The following NEO1 variants were observed in gnomAD, a reference collection of about 807,000 sequenced individuals.
NEO1 encodes the protein neogenin.
In NEO1, 63 loss-of-function variants were observed where a neutral mutation model predicts 159.7. The ratio of observed to expected loss-of-function variants is 0.39; its 90% confidence interval spans 0.32 to 0.49. The LOEUF (loss-of-function observed/expected upper bound fraction) is 0.49, where lower values mean the gene tolerates loss of function less well. Ranked by LOEUF, NEO1 falls within the 20% of genes least tolerant of loss-of-function variation. The pLI, the probability that NEO1 is intolerant of heterozygous loss-of-function variation, is 0.85. For synonymous variants in NEO1, 633 were observed against 662.0 expected, an observed-to-expected ratio of 0.96 and a Z score of 0.67; for missense variants, 1,615 against 1,831.0, an observed-to-expected ratio of 0.88 and a Z score of 2.15.
chr15:73,113,755 G>A (rs1019978517), intron 1 of NEO1, among the ~76,000 whole-genome samples: 1 of 152,076 alleles, frequency 6.6e-6, no homozygotes, highest in African/African-American at 2.4e-5. Flanking sequence ...GCAGGGCCCT[G>A]TAGGTGAAAA....
intron 5 of NEO1, among the ~76,000 whole-genome samples, chr15:73,161,173 C>A (rs2034147326): frequency 6.6e-6 from 1 of 152,114 alleles, no homozygotes; most frequent in Admixed American, 6.6e-5. Context: ...ACTTAGTCCT[C>A]CCTCCAAGAT....
intron 9 of NEO1, among the ~76,000 whole-genome samples, chr15:73,248,515 T>C (rs2039914536): frequency 6.6e-6 from 1 of 152,226 alleles, no homozygotes; most frequent in Non-Finnish European, 1.5e-5. Flanking sequence ...CCTTGGTATC[T>C]GAGGAAAGTG....
At chr15:73,107,279 T>C (rs1263251436) in intron 1 of NEO1, among the ~76,000 whole-genome samples, 2 of 152,190 alleles carry the variant, frequency 1.3e-5, no homozygotes, top group Non-Finnish European at 2.9e-5. Flanking sequence ...AGCAGTAAGG[T>C]AAAACAGATT....
At chr15:73,242,099 A>G (rs1159181892) in intron 8 of NEO1, among the ~76,000 whole-genome samples, 1 of 152,200 alleles carries the variant, frequency 6.6e-6, no homozygotes, top group African/African-American at 2.4e-5. Context: ...TTGAAGTAAA[A>G]TAGTCCCCCT....
At position 73,188,713 on chromosome 15, in the gene NEO1, T is replaced by C. The variant is rs79284276; in HGVS notation, c.1291+10286T>C. ...TTGTCAAAATGGTTTTAGTAAATGA[T>C]GTAACAATTTACATTTTTACTAAGA... On this transcript the variant is annotated intron_variant, in intron 7 of 28. Transcript: ENST00000261908. Among the ~76,000 whole-genome samples the C allele has an allele frequency of 8.6e-3, 1,309 of 152,322 alleles. 23 individuals carry two copies. Among genetic ancestry groups the C allele is most frequent in the African/African-American group, 0.03 (1,237 of 41,578 alleles).
intron 23 of NEO1, among the ~76,000 whole-genome samples, chr15:73,285,002 A>G (rs538286213): frequency 7.9e-5 from 12 of 152,168 alleles, no homozygotes; most frequent in South Asian, 6.2e-4. Context: ...ATATTTATCT[A>G]TCTATGAACT....
At chr15:73,218,464 T>TTTC (rs2038034715) in intron 7 of NEO1, among the ~76,000 whole-genome samples, 1 of 150,542 alleles carries the variant, frequency 6.6e-6, no homozygotes, top group African/African-American at 2.5e-5. Context: ...GAGGATTCCC[T>TTTC]CTTTTTGTAT....
chr15:73,172,903 G>A (rs936964583), intron 5 of NEO1, among the ~76,000 whole-genome samples: 1 of 152,168 alleles, frequency 6.6e-6, no homozygotes, highest in African/African-American at 2.4e-5. Context: ...CCCATTTGGG[G>A]ATTTGACACA....
At chr15:73,094,799 T>C (rs1379773893) in intron 1 of NEO1, among the ~76,000 whole-genome samples, 2 of 152,246 alleles carry the variant, frequency 1.3e-5, no homozygotes, top group African/African-American at 4.8e-5. Context: ...AGAGATTTGA[T>C]CATTTCAGGG....
intron 7 of NEO1, among the ~76,000 whole-genome samples, chr15:73,223,025 C>T (rs1047478793): frequency 7.2e-5 from 11 of 152,150 alleles, no homozygotes; most frequent in South Asian, 2.1e-4. Flanking sequence ...ATCTTGATTT[C>T]GCTTTTGAAC....
intron 5 of NEO1, among the ~76,000 whole-genome samples, chr15:73,152,293 A>C (rs966625946): frequency 1.3e-5 from 2 of 152,204 alleles, no homozygotes; most frequent in Admixed American, 1.3e-4. Context: ...AGCCTTTCTG[A>C]TGGTGGGTTT....
At chr15:73,171,098 C>G (rs1015494404) in intron 5 of NEO1, among the ~76,000 whole-genome samples, 9 of 151,832 alleles carry the variant, frequency 5.9e-5, no homozygotes, top group African/African-American at 2.2e-4. Context: ...GCAATGTGGT[C>G]AGCAAAAGAC....
intron 7 of NEO1, among the ~76,000 whole-genome samples, chr15:73,184,880 A>G (rs1033220277): frequency 6.6e-6 from 1 of 152,148 alleles, no homozygotes; most frequent in African/African-American, 2.4e-5. Flanking sequence ...GTGAGCCAAG[A>G]TTGCACCACT....
chr15:73,224,364 A>G (rs1340310906), intron 7 of NEO1, among the ~76,000 whole-genome samples: 1 of 152,180 alleles, frequency 6.6e-6, no homozygotes, highest in African/African-American at 2.4e-5. Context: ...GTCTCTAGTA[A>G]GGCCAAAGAA....
intron 4 of NEO1, among the ~76,000 whole-genome samples, chr15:73,127,427 G>A (rs754983672): frequency 1.2e-4 from 18 of 152,108 alleles, no homozygotes; most frequent in Non-Finnish European, 2.4e-4. Context: ...GTGGTAGGTA[G>A]GTATGTTTTT....
At position 73,068,815 on chromosome 15, in the gene NEO1, A is replaced by G. The variant is rs143282940; in HGVS notation, c.130+16010A>G. Among the ~76,000 whole-genome samples the G allele has an allele frequency of 2.6e-5, 4 of 152,182 alleles. No homozygotes were observed. The East Asian group carries it at 5.8e-4, about 22-fold the overall frequency. On this transcript the variant is annotated intron_variant, in intron 1 of 28. Coordinates refer to ENST00000261908, the MANE Select transcript of NEO1 (RefSeq NM_002499.4). ...TTTTGTTGTTGTTCTCATTTGGTTT[A>G]GTTTGATGTCTGATCCAATTAAAAA...
intron 5 of NEO1, among the ~76,000 whole-genome samples, chr15:73,161,213 G>A (rs1436890812): frequency 1.3e-5 from 2 of 152,106 alleles, no homozygotes; most frequent in East Asian, 3.8e-4. Flanking sequence ...ATGTCTTCTA[G>A]TGCTTTTATG....
At chr15:73,153,660 A>G (rs2033555677) in intron 5 of NEO1, among the ~76,000 whole-genome samples, 2 of 152,222 alleles carry the variant, frequency 1.3e-5, no homozygotes, top group African/African-American at 4.8e-5. Flanking sequence ...TACGTAATAT[A>G]ATTATACTTT....
At chr15:73,212,982 G>T (rs2037664837) in intron 7 of NEO1, among the ~76,000 whole-genome samples, 1 of 151,714 alleles carries the variant, frequency 6.6e-6, no homozygotes, top group Admixed American at 6.6e-5. Context: ...AAAAATATTT[G>T]AAAGAATATG....
Sources: gnomAD v4.1 joint callset for allele counts (sites outside exome capture counted in the v4.1 genomes callset) on GRCh38, gnomAD v4.1.1 for gene constraint, MANE v1.5 for transcripts, NCBI Gene and HGNC (gene_info 2026-07-23, HGNC 2026-07-21) for gene names.